INSL6: variants seen among roughly 807,000 people sequenced by gnomAD.
The protein encoded by INSL6 is insulin-like peptide INSL6.
A neutral mutation model predicts 9.4 loss-of-function variants in INSL6; 16 were observed. The ratio of observed to expected loss-of-function variants is 1.70; its 90% CI spans 1.15 to 2.59. The LOEUF (loss-of-function observed/expected upper bound fraction) is 2.59, where lower values mean the gene tolerates loss of function less well. Among genes scored for constraint, INSL6 ranks in the 30% most tolerant of loss-of-function variants. The pLI, the probability that INSL6 is intolerant of heterozygous loss-of-function variation, is 0.00. For missense variants in INSL6, 391 were observed against 257.3 expected (o/e 1.52, Z -3.56); for synonymous variants, 154 against 96.9 (o/e 1.59, Z -3.46).
chr9:5,041,571 C>CA, the INSL6 span: 2 of 515,752 alleles, frequency 3.9e-6, no homozygotes, highest in Admixed American at 2.3e-5. Context: ...TACGTACCTG[C>CA]ACTACGTGCG....
intron 1 of INSL6, among the ~76,000 whole-genome samples, chr9:5,171,382 C>T (rs1477360503): frequency 2.0e-5 from 3 of 152,166 alleles, no homozygotes; most frequent in Non-Finnish European, 2.9e-5. Context: ...AAATATCATA[C>T]TGAATGGGTA....
chr9:5,078,304 A>C, the INSL6 span: 1 of 1,610,040 alleles, frequency 6.2e-7, no homozygotes, highest in Non-Finnish European at 8.5e-7. Context: ...TAACTCTAAT[A>C]GGAAGAAAAC....
chr9:5,017,676 T>C, the INSL6 span, among the ~76,000 whole-genome samples: 1 of 152,210 alleles, frequency 6.6e-6, no homozygotes, highest in South Asian at 2.1e-4. Context: ...TATAATAAGA[T>C]ACGATGTAAT....
chr9:4,999,869 T>G, the INSL6 span, among the ~76,000 whole-genome samples: 1 of 152,256 alleles, frequency 6.6e-6, no homozygotes, highest in African/African-American at 2.4e-5. Flanking sequence ...TTATTAGATA[T>G]GCATGCTACT....
chr9:5,022,272 G>C, the INSL6 span: 2 of 1,127,046 alleles, frequency 1.8e-6, no homozygotes, highest in Non-Finnish European at 2.7e-6. Flanking sequence ...ATTATGCTAT[G>C]CTAATACTAG....
chr9:5,154,436 C>A (rs1178152811), intron 2 of INSL6, among the ~76,000 whole-genome samples: 4 of 152,090 alleles, frequency 2.6e-5, no homozygotes, highest in Non-Finnish European at 5.9e-5. Flanking sequence ...GTCTAAAACA[C>A]CAAAAGCAAT....
the INSL6 span, chr9:5,080,285 T>G: frequency 1.2e-6 from 2 of 1,613,744 alleles, no homozygotes; most frequent in South Asian, 2.2e-5. Context: ...TCCTAAAAAT[T>G]TAAATTTGGC....
At chr9:5,025,446 T>C in the INSL6 span, among the ~76,000 whole-genome samples, 1 of 152,124 alleles carries the variant, frequency 6.6e-6, no homozygotes, top group Admixed American at 6.6e-5. Context: ...TTCATTGTTA[T>C]TTTGTTATTC....
intron 1 of INSL6, among the ~76,000 whole-genome samples, chr9:5,177,346 C>T (rs890050285): frequency 2.0e-5 from 3 of 152,190 alleles, no homozygotes; most frequent in African/African-American, 7.2e-5. Flanking sequence ...CCCGGGAAAT[C>T]ACATTTCTCC....
At chr9:5,183,639 T>G (rs1022992177) in intron 1 of INSL6, among the ~76,000 whole-genome samples, 72 of 152,312 alleles carry the variant, frequency 4.7e-4, no homozygotes, top group African/African-American at 1.7e-3. Context: ...AAATAAAATT[T>G]TGACTACAGT....
At chr9:5,131,690 T>C (rs1227393296) in intron 3 of INSL6, among the ~76,000 whole-genome samples, 1 of 152,094 alleles carries the variant, frequency 6.6e-6, no homozygotes, top group Non-Finnish European at 1.5e-5. Context: ...TCCAACCGCC[T>C]CAACCTCCCA....
intron 1 of INSL6, among the ~76,000 whole-genome samples, chr9:5,182,133 C>G (rs1434096011): frequency 4.6e-5 from 7 of 152,212 alleles, no homozygotes; most frequent in Admixed American, 4.6e-4. Context: ...GCAGTGTTAT[C>G]TGTAGTGGTA....
At chr9:5,071,668 A>G in the INSL6 span, among the ~76,000 whole-genome samples, 1 of 152,176 alleles carries the variant, frequency 6.6e-6, no homozygotes, top group Non-Finnish European at 1.5e-5. Context: ...GTGGCATGGA[A>G]GGCAAAATGA....
At chr9:5,082,353 G>C in the INSL6 span, among the ~76,000 whole-genome samples, 4 of 152,232 alleles carry the variant, frequency 2.6e-5, no homozygotes, top group Admixed American at 2.0e-4. Context: ...GCCTGGATGT[G>C]CACATAGGCC....
chr9:5,122,321 T>C (rs779442631), downstream of INSL6, among the ~76,000 whole-genome samples: 4 of 152,174 alleles, frequency 2.6e-5, no homozygotes, highest in Non-Finnish European at 2.9e-5. Context: ...AATGACACCA[T>C]TGCTGTGACT....
chr9:5,122,697 C>T (rs549981992), downstream of INSL6, among the ~76,000 whole-genome samples: 17 of 152,060 alleles, frequency 1.1e-4, no homozygotes, highest in African/African-American at 3.9e-4. Context: ...AGGCACTCTC[C>T]GCCTGGCACA....
At chr9:5,039,459 G>A in the INSL6 span, among the ~76,000 whole-genome samples, 3 of 152,094 alleles carry the variant, frequency 2.0e-5, no homozygotes, top group African/African-American at 7.2e-5. Flanking sequence ...CAAATACTAT[G>A]CCTTTGTATA....
At chr9:5,158,565 G>A (rs1373409929) in intron 2 of INSL6, among the ~76,000 whole-genome samples, 4 of 152,116 alleles carry the variant, frequency 2.6e-5, no homozygotes, top group African/African-American at 9.7e-5. Flanking sequence ...CAGGCCAGGA[G>A]AGAGTGGCAT....
the INSL6 span, chr9:5,086,109 G>T: frequency 2.1e-6 from 1 of 480,058 alleles, no homozygotes; most frequent in South Asian, 2.4e-5. Flanking sequence ...AGCCTGCGCG[G>T]GCATCGGCAG....
Sources: allele counts gnomAD v4.1 joint callset (sites outside exome capture counted in the v4.1 genomes callset), GRCh38; gene constraint gnomAD v4.1.1; transcripts MANE v1.5; gene names NCBI Gene and HGNC (gene_info 2026-07-23, HGNC 2026-07-21).